The following LRRC49 variants were observed in gnomAD, a reference collection of about 807,000 sequenced individuals.
LRRC49 encodes the protein leucine-rich repeat-containing protein 49.
LRRC49 carries 50 observed loss-of-function variants against 83.3 expected under a neutral mutation model. The observed-to-expected ratio is 0.60, with a 90% CI of 0.48 to 0.76. LRRC49 has a LOEUF of 0.76. Ranked by LOEUF, LRRC49 falls within the 30% of genes least tolerant of loss-of-function variation. LRRC49 has a pLI of 0.00. For missense variants in LRRC49, 704 were observed against 809.1 expected, an observed-to-expected ratio of 0.87 and a Z score of 1.58; for synonymous variants, 286 against 283.3, an observed-to-expected ratio of 1.01 and a Z score of -0.10.
intron 9 of LRRC49, among the ~76,000 whole-genome samples, chr15:70,975,998 G>A (rs553633704): frequency 6.6e-6 from 1 of 152,202 alleles, no homozygotes; most frequent in East Asian, 1.9e-4. Context: ...CCATGTGGTA[G>A]TCACTGCGGA....
intron 1 of LRRC49, among the ~76,000 whole-genome samples, chr15:70,867,300 A>G (rs1204980826): frequency 6.6e-6 from 1 of 152,144 alleles, no homozygotes; most frequent in Non-Finnish European, 1.5e-5. Context: ...GAAGAAAAGA[A>G]CTTCCTGTGA....
intron 1 of LRRC49, 69 bp from the exon 2 acceptor site, chr15:70,893,515 T>A (rs1041735980): frequency 9.4e-4 from 77 of 81,994 alleles, no homozygotes; most frequent in South Asian, 2.3e-3. Context: ...TGTTTGTACC[T>A]TTTTTTTTTT....
chr15:70,883,866 G>A (rs1252704346), intron 2 of LRRC49, among the ~76,000 whole-genome samples: 2 of 151,872 alleles, frequency 1.3e-5, no homozygotes, highest in Non-Finnish European at 2.9e-5. Flanking sequence ...ATGGTAACCA[G>A]GCTGGTCTCA....
upstream of LRRC49, among the ~76,000 whole-genome samples, chr15:70,890,291 T>G (rs1375554722): frequency 6.6e-6 from 1 of 152,136 alleles, no homozygotes; most frequent in African/African-American, 2.4e-5. Flanking sequence ...TGGGCAAAGT[T>G]TGTATAGGTG....
At chr15:70,966,875 G>T (rs2036813736) in intron 9 of LRRC49, among the ~76,000 whole-genome samples, 1 of 152,190 alleles carries the variant, frequency 6.6e-6, no homozygotes, top group Non-Finnish European at 1.5e-5. Flanking sequence ...TGTCTGCAGA[G>T]GCAACCATGC....
chr15:70,985,877 T>G (rs1333671149), intron 11 of LRRC49, among the ~76,000 whole-genome samples: 1 of 145,918 alleles, frequency 6.9e-6, no homozygotes, highest in Non-Finnish European at 1.5e-5. Context: ...CACCATTTAT[T>G]AAATAGGGAA....
chr15:70,905,657 C>T (rs2141114315), intron 5 of LRRC49, among the ~76,000 whole-genome samples: 1 of 152,122 alleles, frequency 6.6e-6, no homozygotes, highest in East Asian at 1.9e-4. Context: ...TATTTTTAGG[C>T]TGAGGCTTGA....
rs754581358 is a variant in LRRC49, at chr15:70,892,872, G to C, written c.-23G>C. ...CGTCACCTGGAAGGCAGATCTAACA[G>C]AGAACCTGGACTGTCTCCTATCATG... is the stretch of plus-strand genomic sequence containing the variant. On this transcript the variant is annotated 5_prime_UTR_variant, in exon 1 of 16. Transcript: ENST00000260382. 3.7e-6 allele frequency: 6 copies of C among 1,614,204 alleles called. No individual in the cohort carries two copies. The South Asian group carries it at 5.5e-5, about 15-fold the overall frequency.
At chr15:71,013,810 G>C (rs959170922) in intron 14 of LRRC49, among the ~76,000 whole-genome samples, 6 of 152,146 alleles carry the variant, frequency 3.9e-5, no homozygotes, top group Admixed American at 6.6e-5. Flanking sequence ...TTATACCATA[G>C]AACAAGCCCA....
intron 15 of LRRC49, among the ~76,000 whole-genome samples, chr15:71,044,343 C>G (rs529707622): frequency 6.6e-6 from 1 of 152,094 alleles, no homozygotes; most frequent in Non-Finnish European, 1.5e-5. Flanking sequence ...GCATTTTGAC[C>G]TGTGAATGGT....
chr15:70,892,960 C>G lies in LRRC49; in HGVS notation c.48+18C>G. The G allele has an allele frequency of 6.2e-7, 1 of 1,613,818 alleles. No individual in the cohort carries two copies. The highest frequency in any genetic ancestry group is 8.5e-7 in the Non-Finnish European group (1 of 1,179,650). On this transcript the variant is annotated intron_variant, in intron 1 of 15. Transcript: ENST00000260382. ...CGAACAACGTAAGTTGGGCCTTCTA[C>G]TTTCTCTTTCTTCCCACTGGTACTC...
chr15:70,956,906 G>A (rs981923014), intron 8 of LRRC49, among the ~76,000 whole-genome samples: 1 of 152,140 alleles, frequency 6.6e-6, no homozygotes, highest in Admixed American at 6.6e-5. Flanking sequence ...CAGTTGCCCG[G>A]ATAGTACTTG....
At chr15:70,983,893 G>T (rs530611053) in intron 10 of LRRC49, among the ~76,000 whole-genome samples, 42 of 150,896 alleles carry the variant, frequency 2.8e-4, no homozygotes, top group South Asian at 4.1e-4. Context: ...TTTAGAGTTA[G>T]ATAATTATTG....
chr15:70,928,198 CT>C (rs2035280103), intron 7 of LRRC49, among the ~76,000 whole-genome samples: 2 of 152,246 alleles, frequency 1.3e-5, no homozygotes, highest in South Asian at 4.1e-4. Context: ...TTAGGCTCCA[CT>C]TTTAGTTCTA....
chr15:70,876,643 C>CA (rs2033158120), intron 2 of LRRC49, among the ~76,000 whole-genome samples: 2 of 152,146 alleles, frequency 1.3e-5, no homozygotes, highest in Admixed American at 1.3e-4. Flanking sequence ...CTTGAAAACT[C>CA]AGTCATTGTT....
At chr15:70,990,110 G>C (rs1028234884) in intron 11 of LRRC49, among the ~76,000 whole-genome samples, 15 of 152,306 alleles carry the variant, frequency 9.8e-5, no homozygotes, top group Admixed American at 2.6e-4. Flanking sequence ...GAGGCAGTCT[G>C]CCCGTTCTCA....
At chr15:71,023,244 A>C (rs973425555) in intron 14 of LRRC49, among the ~76,000 whole-genome samples, 2 of 152,242 alleles carry the variant, frequency 1.3e-5, no homozygotes, top group African/African-American at 4.8e-5. Flanking sequence ...CCAAGATAGC[A>C]AAAGAGCAGC....
Position 71,049,623 on chromosome 15 carries a change from T to C in LRRC49, c.*11T>C, listed in dbSNP as rs764453293. Reference sequence around the variant, plus strand: ...ACAGACCAAAAATAAAAATGGCCTTTAGTTACAGTTGATTTTGGCAGTTTT... The same window carrying C: ...ACAGACCAAAAATAAAAATGGCCTTCAGTTACAGTTGATTTTGGCAGTTTT... On this transcript the variant is annotated 3_prime_UTR_variant, in exon 16 of 16. Transcript: ENST00000260382. 4 of 1,583,602 alleles carry C rather than the reference T, an allele frequency of 2.5e-6. No homozygotes were observed. The highest frequency in any genetic ancestry group is 8.6e-7 in the Non-Finnish European group (1 of 1,162,562).
intron 14 of LRRC49, among the ~76,000 whole-genome samples, chr15:71,033,633 A>G (rs2039427566): frequency 1.3e-5 from 2 of 152,234 alleles, no homozygotes; most frequent in South Asian, 4.1e-4. Context: ...CCTGACTTCA[A>G]ACTATACTAC....
Sources: gnomAD v4.1 joint callset for allele counts (sites outside exome capture counted in the v4.1 genomes callset) on GRCh38, gnomAD v4.1.1 for gene constraint, MANE v1.5 for transcripts, NCBI Gene and HGNC (gene_info 2026-07-23, HGNC 2026-07-21) for gene names.